SAE1: variants seen among roughly 807,000 people sequenced by gnomAD.
The protein encoded by SAE1 is SUMO1 activating enzyme subunit 1.
SAE1 carries 11 observed loss-of-function variants against 40.6 expected under a neutral mutation model. That is an observed-to-expected ratio of 0.27 (90% confidence interval 0.17 to 0.45). SAE1 has a LOEUF of 0.45. SAE1 is among the 20% of genes least tolerant of loss of function. The pLI, the probability that SAE1 is intolerant of heterozygous loss-of-function variation, is 1.00. For synonymous variants in SAE1, 155 were observed against 154.3 expected, an observed-to-expected ratio of 1.00 and a Z score of -0.03; for missense variants, 373 against 427.3, an observed-to-expected ratio of 0.87 and a Z score of 1.12.
intron 5 of SAE1, among the ~76,000 whole-genome samples, chr19:47,162,048 G>T (rs2058362547): frequency 6.6e-6 from 1 of 152,106 alleles, no homozygotes; most frequent in African/African-American, 2.4e-5. Context: ...CATTTCAAGT[G>T]GCCAGTAAGC....
intron 5 of SAE1, among the ~76,000 whole-genome samples, chr19:47,156,709 G>A (rs984658477): frequency 1.3e-5 from 2 of 152,062 alleles, no homozygotes; most frequent in Non-Finnish European, 2.9e-5. Flanking sequence ...AGTAGAGATG[G>A]GGTTCCACCA....
At chr19:47,155,091 T>C (rs1229948784) in intron 4 of SAE1, 23 bp from the exon 5 acceptor site, 2 of 1,411,484 alleles carry the variant, frequency 1.4e-6, no homozygotes, top group Non-Finnish European at 2.0e-6. Flanking sequence ...AAAATTACAT[T>C]CTCTCCCCTT....
At chr19:47,141,302 A>G (rs2058220444) in intron 1 of SAE1, among the ~76,000 whole-genome samples, 1 of 151,326 alleles carries the variant, frequency 6.6e-6, no homozygotes, top group South Asian at 2.1e-4. Context: ...ACGCCTGGCC[A>G]TAATTTTTTT....
At chr19:47,159,911 C>G (rs985055393) in intron 5 of SAE1, among the ~76,000 whole-genome samples, 5 of 152,148 alleles carry the variant, frequency 3.3e-5, no homozygotes, top group Admixed American at 6.5e-5. Flanking sequence ...CCAGGCTGGT[C>G]TCGAACTCCT....
chr19:47,162,899 G>T (rs2058367826), intron 5 of SAE1, among the ~76,000 whole-genome samples: 1 of 152,150 alleles, frequency 6.6e-6, no homozygotes, highest in African/African-American at 2.4e-5. Context: ...AGCTGAGGCG[G>T]GAGGATTGCC....
At chr19:47,199,879 C>T (rs928806464) in intron 7 of SAE1, among the ~76,000 whole-genome samples, 7 of 152,012 alleles carry the variant, frequency 4.6e-5, no homozygotes, top group East Asian at 3.9e-4. Flanking sequence ...GCTGACCTCA[C>T]GGTGCTGATG....
chr19:47,199,605 C>A (rs762731705), intron 7 of SAE1, among the ~76,000 whole-genome samples: 3 of 152,062 alleles, frequency 2.0e-5, no homozygotes, highest in Non-Finnish European at 4.4e-5. Flanking sequence ...CCAGACCGTT[C>A]ATCACTTTGA....
At chr19:47,158,417 C>T (rs745909426) in intron 5 of SAE1, among the ~76,000 whole-genome samples, 4 of 152,136 alleles carry the variant, frequency 2.6e-5, no homozygotes, top group Non-Finnish European at 4.4e-5. Flanking sequence ...AGACGGATTT[C>T]GTCACAATCA....
intron 6 of SAE1, among the ~76,000 whole-genome samples, chr19:47,192,143 G>A (rs1209279543): frequency 1.3e-5 from 2 of 152,052 alleles, no homozygotes; most frequent in African/African-American, 2.4e-5. Flanking sequence ...TATGTGTCAG[G>A]CACTATACTA....
intron 1 of SAE1, among the ~76,000 whole-genome samples, chr19:47,143,075 G>A (rs906440971): frequency 6.6e-6 from 1 of 152,036 alleles, no homozygotes; most frequent in African/African-American, 2.4e-5. Context: ...CTAGATTCGA[G>A]GTGTGATGCC....
chr19:47,202,738 C>T (rs1193215162), intron 7 of SAE1, among the ~76,000 whole-genome samples: 1 of 151,742 alleles, frequency 6.6e-6, no homozygotes, highest in Non-Finnish European at 1.5e-5. Context: ...ATGGTGAAAC[C>T]CCGTCTCTAC....
At chr19:47,205,072 T>C (rs754338600) in intron 8 of SAE1, among the ~76,000 whole-genome samples, 4 of 152,230 alleles carry the variant, frequency 2.6e-5, no homozygotes, top group Non-Finnish European at 5.9e-5. Flanking sequence ...ACTTTGCTAT[T>C]TGCCCGAAGA....
intron 8 of SAE1, among the ~76,000 whole-genome samples, chr19:47,207,489 T>C (rs1368765329): frequency 3.3e-5 from 5 of 152,276 alleles, no homozygotes; most frequent in African/African-American, 1.2e-4. Context: ...TGGTAGCTTG[T>C]GGTGAAATTT....
intron 4 of SAE1, among the ~76,000 whole-genome samples, chr19:47,154,577 C>T (rs965258508): frequency 2.1e-5 from 3 of 144,020 alleles, no homozygotes; most frequent in Non-Finnish European, 3.0e-5. Flanking sequence ...TCATTGCAAC[C>T]TCCTCCTCCT....
chr19:47,170,065 AG>A, intron 6 of SAE1, 142 bp downstream of exon 6: 2 of 654,926 alleles, frequency 3.1e-6, no homozygotes, highest in South Asian at 1.7e-5. Context: ...CACTTGAGAA[AG>A]GGGTGGTCAC....
At chr19:47,199,525 A>C (rs1266266132) in intron 7 of SAE1, among the ~76,000 whole-genome samples, 1 of 152,116 alleles carries the variant, frequency 6.6e-6, no homozygotes, top group Non-Finnish European at 1.5e-5. Context: ...ACCAGCCAGC[A>C]GCTCGTTAGG....
rs779959393 is a variant in SAE1, at chr19:47,155,067, A to G, written c.528-47A>G. ...AGAGGCTTTTTTTGATTCCAATAAC[A>G]TGATTCCTAGGGTAAAATTACATTC... On this transcript the variant is annotated intron_variant, in intron 4 of 8. Coordinates refer to ENST00000270225, the MANE Select transcript of SAE1 (RefSeq NM_005500.3). 1.2e-4 allele frequency: 149 copies of G among 1,219,746 alleles called. 2 individuals carry two copies. The Admixed American group carries it at 2.6e-3, about 21-fold the overall frequency. 75.6% of individuals were successfully genotyped at this position (1,219,746 alleles called of 1,614,324 possible).
chr19:47,159,787 G>C (rs2058347288), intron 5 of SAE1, among the ~76,000 whole-genome samples: 1 of 152,092 alleles, frequency 6.6e-6, no homozygotes, highest in South Asian at 2.1e-4. Flanking sequence ...TCTGCCTCCT[G>C]GGTTCAAGCA....
intron 8 of SAE1, among the ~76,000 whole-genome samples, chr19:47,204,508 C>CT (rs1412894909): frequency 1.4e-5 from 2 of 138,548 alleles, no homozygotes; most frequent in African/African-American, 2.8e-5. Context: ...GCACCCCCCC[C>CT]CTTTTTTTTT....
Sources: gnomAD v4.1 joint callset for allele counts (sites outside exome capture counted in the v4.1 genomes callset) on GRCh38, gnomAD v4.1.1 for gene constraint, MANE v1.5 for transcripts, NCBI Gene and HGNC (gene_info 2026-07-23, HGNC 2026-07-21) for gene names.